The following WDR59 variants were observed in gnomAD, a reference collection of about 807,000 sequenced individuals.
WDR59 encodes the protein GATOR2 complex protein WDR59.
Under a neutral mutation model 131.2 loss-of-function variants are expected in WDR59, and 100 were observed. The ratio of observed to expected loss-of-function variants is 0.76; its 90% CI spans 0.65 to 0.90. WDR59 has a LOEUF of 0.90. WDR59 is among the 40% of genes least tolerant of loss of function. The probability of loss-of-function intolerance (pLI) is 0.00; values close to 1 mark genes in which losing one functional copy is unlikely to be tolerated. For synonymous variants in WDR59, 601 were observed against 466.2 expected (o/e 1.29, Z -3.72); for missense variants, 1,203 against 1,262.2 (o/e 0.95, Z 0.71).
At chr16:74,934,059 AAT>A (rs989801226) in intron 8 of WDR59, among the ~76,000 whole-genome samples, 1 of 152,208 alleles carries the variant, frequency 6.6e-6, no homozygotes, top group African/African-American at 2.4e-5. Context: ...TGATACTCAA[AAT>A]AATTAGATAT....
intron 1 of WDR59, among the ~76,000 whole-genome samples, chr16:74,971,039 A>G (rs2033962740): frequency 6.6e-6 from 1 of 151,446 alleles, no homozygotes; most frequent in African/African-American, 2.4e-5. Flanking sequence ...ACAAAGCAAG[A>G]CCCTGTCTAA....
chr16:74,956,446 A>T, intron 3 of WDR59, 29 bp downstream of exon 3: 1 of 1,608,072 alleles, frequency 6.2e-7, no homozygotes, highest in Non-Finnish European at 8.5e-7. Flanking sequence ...ATTTAACAGC[A>T]TTCTCCTGTA....
intron 18 of WDR59, among the ~76,000 whole-genome samples, chr16:74,899,140 T>A (rs1965428850): frequency 6.6e-6 from 1 of 152,046 alleles, no homozygotes; most frequent in Non-Finnish European, 1.5e-5. Flanking sequence ...AAAGAGGATG[T>A]CCACAGCGGA....
At chr16:74,959,716 G>A (rs932969965) in intron 2 of WDR59, 7 of 272,410 alleles carry the variant, frequency 2.6e-5, no homozygotes. Flanking sequence ...GCAATTCAAG[G>A]CTGCAGCGAG....
intron 10 of WDR59, 125 bp from the exon 11 acceptor site, chr16:74,918,133 C>G: frequency 2.3e-6 from 2 of 859,588 alleles, no homozygotes; most frequent in African/African-American, 1.7e-5. Context: ...TCTCATATGC[C>G]AGGCACTATT....
At chr16:74,907,391 T>C (rs903642291) in intron 17 of WDR59, among the ~76,000 whole-genome samples, 1 of 152,176 alleles carries the variant, frequency 6.6e-6, no homozygotes. Context: ...GTTCTCATGA[T>C]AGTGAGTGAG....
intron 18 of WDR59, among the ~76,000 whole-genome samples, chr16:74,902,791 C>G (rs1965615264): frequency 6.6e-6 from 1 of 151,868 alleles, no homozygotes; most frequent in Admixed American, 6.6e-5. Context: ...AAAAAAGAAC[C>G]AACAATTTTG....
chr16:74,881,884 A>G (rs1964505301), intron 25 of WDR59, among the ~76,000 whole-genome samples: 1 of 151,416 alleles, frequency 6.6e-6, no homozygotes, highest in East Asian at 1.9e-4. Context: ...AAAAAAAAAA[A>G]AAAGAAAAAA....
chr16:74,934,427 A>G (rs1397019556), intron 8 of WDR59, among the ~76,000 whole-genome samples: 1 of 152,166 alleles, frequency 6.6e-6, no homozygotes, highest in African/African-American at 2.4e-5. Flanking sequence ...TAATATCCTC[A>G]CTGTTCATAA....
intron 1 of WDR59, among the ~76,000 whole-genome samples, chr16:74,981,190 C>A (rs1465716299): frequency 6.6e-6 from 1 of 151,502 alleles, no homozygotes; most frequent in Non-Finnish European, 1.5e-5. Flanking sequence ...ACGGTGAAAC[C>A]CTGTCTCTAC....
chr16:74,923,174 A>G (rs2030423130), intron 9 of WDR59, among the ~76,000 whole-genome samples: 1 of 152,240 alleles, frequency 6.6e-6, no homozygotes, highest in South Asian at 2.1e-4. Context: ...GGGCATAGTA[A>G]AAATTACTAT....
At chr16:74,916,588 G>T (rs1291185642) in intron 11 of WDR59, among the ~76,000 whole-genome samples, 1 of 152,236 alleles carries the variant, frequency 6.6e-6, no homozygotes, top group Non-Finnish European at 1.5e-5. Context: ...GCCAGGCGTA[G>T]TGGCTCATGC....
intron 6 of WDR59, among the ~76,000 whole-genome samples, chr16:74,945,788 A>T (rs950205255): frequency 6.6e-6 from 1 of 151,170 alleles, no homozygotes; most frequent in African/African-American, 2.4e-5. Context: ...GTTCTGAGAG[A>T]GAGAGAGACA....
At chr16:74,976,687 C>T (rs983777710) in intron 1 of WDR59, among the ~76,000 whole-genome samples, 1 of 152,166 alleles carries the variant, frequency 6.6e-6, no homozygotes, top group Non-Finnish European at 1.5e-5. Context: ...GTGATCCGCC[C>T]ACCTTGGCCT....
chr16:74,928,690 T>C (rs1597733493), intron 8 of WDR59, among the ~76,000 whole-genome samples: 1 of 151,958 alleles, frequency 6.6e-6, no homozygotes, highest in African/African-American at 2.4e-5. Context: ...TCACTTGAGG[T>C]CAGGAGTTCG....
chr16:74,954,653 C>T (rs958481334), intron 3 of WDR59, among the ~76,000 whole-genome samples: 1 of 152,070 alleles, frequency 6.6e-6, no homozygotes, highest in Admixed American at 6.6e-5. Context: ...TAGATGTTTA[C>T]CCAAAAGAAG....
intron 7 of WDR59, among the ~76,000 whole-genome samples, chr16:74,938,576 A>G (rs1386004767): frequency 6.6e-6 from 1 of 151,962 alleles, no homozygotes. Context: ...TTGCTCTGTC[A>G]CCCAGGTTGG....
intron 10 of WDR59, among the ~76,000 whole-genome samples, chr16:74,920,142 A>G (rs1483613997): frequency 6.6e-6 from 1 of 152,162 alleles, no homozygotes; most frequent in Admixed American, 6.6e-5. Flanking sequence ...TCAGCTGAGA[A>G]AGAAGTAAAA....
At chr16:74,946,814 T>C (rs2032670067) in intron 6 of WDR59, among the ~76,000 whole-genome samples, 1 of 152,042 alleles carries the variant, frequency 6.6e-6, no homozygotes, top group Non-Finnish European at 1.5e-5. Context: ...TAAAGGCCTT[T>C]ACATAAAAAG....
Sources: allele counts gnomAD v4.1 joint callset (sites outside exome capture counted in the v4.1 genomes callset), GRCh38; gene constraint gnomAD v4.1.1; transcripts MANE v1.5; gene names NCBI Gene and HGNC (gene_info 2026-07-23, HGNC 2026-07-21).